The following EGFLAM variants were observed in gnomAD, a reference collection of about 807,000 sequenced individuals.
The protein encoded by EGFLAM is pikachurin.
In EGFLAM, 79 loss-of-function variants were observed where a neutral mutation model predicts 113.1. The observed-to-expected ratio is 0.70, with a 90% CI of 0.58 to 0.84. EGFLAM has a LOEUF of 0.84. EGFLAM is among the 40% of genes least tolerant of loss of function. The pLI is 0.00. For synonymous variants in EGFLAM, 504 were observed against 487.6 expected, an observed-to-expected ratio of 1.03 and a Z score of -0.44; for missense variants, 1,265 against 1,291.6, an observed-to-expected ratio of 0.98 and a Z score of 0.32.
chr5:38,399,277 G>GTTTTTTTTTTTTTTTT (rs797021726), intron 6 of EGFLAM, among the ~76,000 whole-genome samples: 2 of 118,482 alleles, frequency 1.7e-5, no homozygotes, highest in Non-Finnish European at 3.5e-5. Flanking sequence ...TTTTGTTTTC[G>GTTTTTTTTTTTTTTTT]TTTTTTTTTT....
Position 38,463,982 on chromosome 5 carries a change from A to C in EGFLAM, c.3026A>C (p.Lys1009Thr), listed in dbSNP as rs778376835. The C allele has an allele frequency of 1.9e-6, 3 of 1,614,136 alleles. No homozygotes were observed. Among genetic ancestry groups the C allele is most frequent in the African/African-American group, 2.7e-5 (2 of 74,958 alleles). ...DGKNINTCGA[K>T] ...AAAAACATCAACACTTGTGGAGCCA[A>C]GTAACACCAGCTGGCCTTGTCCAAG... is the stretch of plus-strand genomic sequence containing the variant. Residue 1009 changes from lysine (K) to threonine (T), a missense_variant, in exon 22 of 22, where the codon AAG (lysine) becomes ACG (threonine). Transcript: ENST00000322350.
intron 1 of EGFLAM, among the ~76,000 whole-genome samples, chr5:38,279,836 GTAT>G (rs538556454): frequency 4.3e-4 from 66 of 152,108 alleles, no homozygotes; most frequent in Non-Finnish European, 7.1e-4. Context: ...ATGATATATT[GTAT>G]TATTGAAAAA....
At chr5:38,300,018 T>C (rs911564986) in intron 1 of EGFLAM, among the ~76,000 whole-genome samples, 1 of 152,164 alleles carries the variant, frequency 6.6e-6, no homozygotes, top group Admixed American at 6.5e-5. Context: ...TGTAGTACTA[T>C]AGAAAAGTAA....
At chr5:38,408,008 C>A (rs563782244) in intron 9 of EGFLAM, 103 bp downstream of exon 9, 3 of 823,294 alleles carry the variant, frequency 3.6e-6, no homozygotes, top group East Asian at 2.6e-5. Flanking sequence ...GCAGGGAGAG[C>A]GACGAAAGGT....
intron 1 of EGFLAM, among the ~76,000 whole-genome samples, chr5:38,281,913 A>T (rs995919624): frequency 6.6e-6 from 1 of 152,224 alleles, no homozygotes; most frequent in African/African-American, 2.4e-5. Context: ...AATTCTAAGA[A>T]TCTAAAGGTT....
intron 1 of EGFLAM, among the ~76,000 whole-genome samples, chr5:38,334,168 C>T (rs1739125477): frequency 6.6e-6 from 1 of 152,178 alleles, no homozygotes; most frequent in African/African-American, 2.4e-5. Context: ...AGGTGATCCA[C>T]CTGCCTTGAC....
At chr5:38,391,247 C>T (rs1271590226) in intron 6 of EGFLAM, among the ~76,000 whole-genome samples, 1 of 152,150 alleles carries the variant, frequency 6.6e-6, no homozygotes, top group Non-Finnish European at 1.5e-5. Context: ...CAGCCTTTCC[C>T]CTATTAATTC....
intron 3 of EGFLAM, among the ~76,000 whole-genome samples, chr5:38,341,502 A>G (rs1012624571): frequency 6.6e-6 from 1 of 152,222 alleles, no homozygotes; most frequent in African/African-American, 2.4e-5. Context: ...GATTATTACA[A>G]TTCAAGGTGA....
At chr5:38,418,313 G>C in intron 12 of EGFLAM, 58 bp downstream of exon 12, 2 of 1,578,482 alleles carry the variant, frequency 1.3e-6, no homozygotes, top group Non-Finnish European at 1.7e-6. Context: ...TTATGGGACT[G>C]CCTTTCTGGC....
chr5:38,383,123 A>G (rs1316926469), intron 6 of EGFLAM, among the ~76,000 whole-genome samples: 1 of 152,198 alleles, frequency 6.6e-6, no homozygotes, highest in Non-Finnish European at 1.5e-5. Context: ...CGTCAGATAG[A>G]GGGCACCTTC....
chr5:38,327,147 A>G (rs1378214712), intron 1 of EGFLAM, among the ~76,000 whole-genome samples: 1 of 152,146 alleles, frequency 6.6e-6, no homozygotes, highest in Non-Finnish European at 1.5e-5. Flanking sequence ...TGACAGCTAA[A>G]AGATCTGCAT....
intron 17 of EGFLAM, chr5:38,445,578 C>G (rs1742680415): frequency 1.9e-6 from 3 of 1,596,446 alleles, no homozygotes; most frequent in Non-Finnish European, 2.5e-6. Flanking sequence ...GTGAGAGAAA[C>G]AAGGCTGGCT....
chr5:38,391,048 A>G (rs937669599), intron 6 of EGFLAM, among the ~76,000 whole-genome samples: 1 of 152,072 alleles, frequency 6.6e-6, no homozygotes, highest in African/African-American at 2.4e-5. Context: ...CTTTCTGGCT[A>G]AAAACAACTT....
At chr5:38,263,172 G>C (rs1579698402) in intron 1 of EGFLAM, among the ~76,000 whole-genome samples, 1 of 152,118 alleles carries the variant, frequency 6.6e-6, no homozygotes, top group East Asian at 1.9e-4. Flanking sequence ...TTTAAAACTT[G>C]GGATGTTTGC....
chr5:38,451,250 C>T, intron 18 of EGFLAM, 65 bp from the exon 19 acceptor site: 1 of 1,578,716 alleles, frequency 6.3e-7, no homozygotes, highest in Non-Finnish European at 8.6e-7. Context: ...GCAGACAAAA[C>T]TGGAATTACT....
chr5:38,303,803 G>A (rs1229216754), intron 1 of EGFLAM, among the ~76,000 whole-genome samples: 4 of 152,058 alleles, frequency 2.6e-5, no homozygotes, highest in African/African-American at 7.2e-5. Flanking sequence ...AAAACGGAAG[G>A]TAGATGGAAA....
intron 19 of EGFLAM, among the ~76,000 whole-genome samples, chr5:38,452,695 A>C (rs1303730478): frequency 6.6e-6 from 1 of 152,208 alleles, no homozygotes; most frequent in Non-Finnish European, 1.5e-5. Flanking sequence ...CCTGCTTTCA[A>C]GTCTCCTGCT....
At chr5:38,275,820 C>G (rs34661295) in intron 1 of EGFLAM, among the ~76,000 whole-genome samples, 1 of 151,852 alleles carries the variant, frequency 6.6e-6, no homozygotes, top group Non-Finnish European at 1.5e-5. Context: ...TATTAGGCCA[C>G]AAAACAAGTC....
intron 10 of EGFLAM, among the ~76,000 whole-genome samples, chr5:38,409,876 T>G (rs140691646): frequency 6.6e-6 from 1 of 152,068 alleles, no homozygotes; most frequent in Non-Finnish European, 1.5e-5. Context: ...GGGGGCAGAG[T>G]TTTGTCGAAG....
Sources: gnomAD v4.1 joint callset for allele counts (sites outside exome capture counted in the v4.1 genomes callset) on GRCh38, gnomAD v4.1.1 for gene constraint, MANE v1.5 for transcripts, NCBI Gene and HGNC (gene_info 2026-07-23, HGNC 2026-07-21) for gene names.